The following NSDHL variants were observed in gnomAD, a reference collection of about 807,000 sequenced individuals.
NSDHL encodes sterol-4-alpha-carboxylate 3-dehydrogenase, decarboxylating.
Under a neutral mutation model 23.0 loss-of-function variants are expected in NSDHL, and 1 was observed. That is an observed-to-expected ratio of 0.04 (90% CI 0.02 to 0.21). The LOEUF is 0.21. NSDHL is among the 10% of genes least tolerant of loss of function. NSDHL has a pLI of 1.00. For missense variants in NSDHL, 237 were observed against 300.9 expected (o/e 0.79, Z 1.57); for synonymous variants, 128 against 121.1 (o/e 1.06, Z -0.37).
At chrX:152,835,503 A>G (rs1327089855) in intron 1 of NSDHL, among the ~76,000 whole-genome samples, 1 of 98,421 alleles carries the variant, frequency 1.0e-5, no homozygotes, top group Non-Finnish European at 2.0e-5. Flanking sequence ...CCTGTGTCCA[A>G]GTGTTCTTAT....
At chrX:152,865,744 C>T (rs1461833675) in intron 5 of NSDHL, 75 bp from the exon 6 acceptor site, 2 of 1,154,223 alleles carry the variant, frequency 1.7e-6, no homozygotes, top group Non-Finnish European at 2.4e-6. Flanking sequence ...TGGTGCTTCT[C>T]ACCCAGCGAG....
intron 1 of NSDHL, among the ~76,000 whole-genome samples, chrX:152,836,384 A>G (rs782559548): frequency 4.6e-4 from 51 of 112,024 alleles, no homozygotes; most frequent in African/African-American, 1.6e-3. Context: ...GCCCATGCCT[A>G]TGTCCTGAAT....
intron 3 of NSDHL, among the ~76,000 whole-genome samples, chrX:152,856,881 A>G (rs1173447382): frequency 8.9e-6 from 1 of 111,845 alleles, no homozygotes; most frequent in Admixed American, 9.4e-5. Flanking sequence ...ACATGGTGAA[A>G]CCCCATCTCT....
rs782149515 is a variant in NSDHL, at chrX:152,868,919, C to G, written c.925C>G (p.Leu309Val). 2 of 1,210,682 alleles carry G rather than the reference C, an allele frequency of 1.7e-6. No homozygotes were observed. Among genetic ancestry groups the G allele is most frequent in the African/African-American group, 3.5e-5 (2 of 57,323 alleles). ...CTACTACCTGGCCCTCCTGCTATCCCTGCTGGTGATGGTGATCAGTCCTGT... is the reference window on the plus strand; with the variant it reads ...CTACTACCTGGCCCTCCTGCTATCCGTGCTGGTGATGGTGATCAGTCCTGT... ...VAYYLALLLS[L>V]LVMVISPVIQ... The change falls in exon 8 of 8, where the codon CTG becomes GTG. Residue 309 changes from leucine (L) to valine (V), a missense_variant. Leu to Val is a conservative substitution (Grantham distance 32). Coordinates refer to ENST00000370274, the MANE Select transcript of NSDHL (RefSeq NM_015922.3).
intron 1 of NSDHL, among the ~76,000 whole-genome samples, chrX:152,835,713 G>A (rs1473546488): frequency 9.0e-6 from 1 of 111,650 alleles, no homozygotes; most frequent in Admixed American, 9.5e-5. Flanking sequence ...TGGACATTTG[G>A]GTTGGTTCCA....
In NSDHL at chrX:152,859,099, GATTT is replaced by G. The variant is rs201312305; in HGVS notation, c.414+184_414+187del. On this transcript the variant is annotated intron_variant, in intron 4 of 7. Transcript: ENST00000370274. ...TGGTGAAGGTCTGCTTGCCAAGGCT[GATTT>G]GAGATGTAATATTCTAACTGCACAC... is the stretch of plus-strand genomic sequence containing the variant. Among the ~76,000 whole-genome samples, 2,853 of 111,813 alleles carry G rather than the reference GATTT, an allele frequency of 0.026. 81 individuals carry two copies. Among genetic ancestry groups the G allele is most frequent in the African/African-American group, 0.088 (2,691 of 30,644 alleles).
At chrX:152,868,031 G>A (rs1556848331) in intron 7 of NSDHL, among the ~76,000 whole-genome samples, 1 of 110,856 alleles carries the variant, frequency 9.0e-6, no homozygotes, top group Non-Finnish European at 1.9e-5. Flanking sequence ...CATTCCTCAG[G>A]TCTCTCCCTC....
At chrX:152,845,470 A>G (rs1375398464) in intron 1 of NSDHL, among the ~76,000 whole-genome samples, 1 of 111,725 alleles carries the variant, frequency 9.0e-6, no homozygotes, top group Non-Finnish European at 1.9e-5. Context: ...CAAATACATC[A>G]TAGTCAAGTG....
chrX:152,861,966 C>G (rs192022543), intron 4 of NSDHL, among the ~76,000 whole-genome samples: 23 of 112,484 alleles, frequency 2.0e-4, no homozygotes, highest in African/African-American at 6.8e-4. Context: ...TTATCTTACC[C>G]TACCACTCTG....
chrX:152,850,657 T>C (rs957644729), intron 3 of NSDHL, among the ~76,000 whole-genome samples: 1 of 112,573 alleles, frequency 8.9e-6, no homozygotes, highest in African/African-American at 3.2e-5. Flanking sequence ...GGTCAGCACT[T>C]AAATGAACAA....
chrX:152,834,663 A>C (rs782810366), intron 1 of NSDHL, among the ~76,000 whole-genome samples: 1 of 112,803 alleles, frequency 8.9e-6, no homozygotes, highest in East Asian at 2.8e-4. Flanking sequence ...CCTCAGGTGA[A>C]TCCTTCTCTT....
At chrX:152,864,612 G>C (rs1490275482) in intron 5 of NSDHL, among the ~76,000 whole-genome samples, 1 of 112,157 alleles carries the variant, frequency 8.9e-6, no homozygotes, top group African/African-American at 3.2e-5. Flanking sequence ...CTCACCGGAA[G>C]CCTCCTTTCA....
intron 1 of NSDHL, among the ~76,000 whole-genome samples, chrX:152,842,754 G>A (rs1569472203): frequency 9.0e-6 from 1 of 111,523 alleles, no homozygotes; most frequent in Non-Finnish European, 1.9e-5. Context: ...CACCTGCCTC[G>A]GCCTCCCAAA....
chrX:152,850,516 A>G, intron 3 of NSDHL, 93 bp downstream of exon 3: 1 of 907,793 alleles, frequency 1.1e-6, no homozygotes, highest in Non-Finnish European at 1.6e-6. Flanking sequence ...ATTTGTTTGA[A>G]AAACAATTGT....
chrX:152,867,213 A>AGACT (rs1454205381), intron 6 of NSDHL, among the ~76,000 whole-genome samples: 1 of 111,608 alleles, frequency 9.0e-6, no homozygotes, highest in African/African-American at 3.3e-5. Context: ...GATTACAGGG[A>AGACT]GACTGGTCAA....
intron 4 of NSDHL, among the ~76,000 whole-genome samples, chrX:152,859,125 A>G (rs981435871): frequency 4.5e-5 from 5 of 112,194 alleles, no homozygotes; most frequent in African/African-American, 1.6e-4. Context: ...TTCTAACTGC[A>G]CACAAATAGA....
intron 1 of NSDHL, among the ~76,000 whole-genome samples, chrX:152,837,711 A>G (rs189850975): frequency 4.6e-4 from 52 of 112,126 alleles, no homozygotes; most frequent in African/African-American, 1.5e-3. Flanking sequence ...TATTTTATTG[A>G]GGATTTTTGC....
rs185260745 is a variant in NSDHL, at chrX:152,834,735, G to A, written c.-44+3618G>A. Among the ~76,000 whole-genome samples, 65 of 112,860 alleles carry A rather than the reference G, an allele frequency of 5.8e-4. No homozygotes were observed. The Middle Eastern group carries it at 0.018, about 32-fold the overall frequency. On this transcript the variant is annotated intron_variant, in intron 1 of 7. Coordinates refer to ENST00000370274, the MANE Select transcript of NSDHL (RefSeq NM_015922.3). ...CCAAGCATGAGGCATGAGGTGATGG[G>A]AAATAGGGGAATCCTCTTTTATAAT...
In NSDHL at chrX:152,855,263, C is replaced by T. The variant is rs1933426719; in HGVS notation, c.268-3507C>T. Among the ~76,000 whole-genome samples the T allele has an allele frequency of 3.6e-5, 4 of 110,683 alleles. No individual in the cohort carries two copies. The South Asian group carries it at 1.2e-3, about 33-fold the overall frequency. ...ACCCGCCTCGGCCTCCCAAAGTGCT[C>T]GGATTACAGGCATGAGCCACCGTTG... On this transcript the variant is annotated intron_variant, in intron 3 of 7. Coordinates refer to ENST00000370274, the MANE Select transcript of NSDHL (RefSeq NM_015922.3).
Sources: allele counts gnomAD v4.1 joint callset (sites outside exome capture counted in the v4.1 genomes callset), GRCh38; gene constraint gnomAD v4.1.1; transcripts MANE v1.5; gene names NCBI Gene and HGNC (gene_info 2026-07-23, HGNC 2026-07-21).